Variants in RBFOX1 observed in about 807,000 individuals in gnomAD.
RBFOX1 encodes RNA binding protein fox-1 homolog 1.
In RBFOX1, 8 loss-of-function variants were observed where a neutral mutation model predicts 57.7. The ratio of observed to expected loss-of-function variants is 0.14; its 90% confidence interval spans 0.08 to 0.25. The LOEUF is 0.25. Among genes scored for constraint, RBFOX1 ranks in the 10% least tolerant of loss-of-function variants. RBFOX1 has a pLI of 1.00. For synonymous variants in RBFOX1, 326 were observed against 222.4 expected (o/e 1.47, Z -4.15); for missense variants, 611 against 548.5 (o/e 1.11, Z -1.14).
At chr16:7,374,323 C>A (rs552119769) in intron 4 of RBFOX1, among the ~76,000 whole-genome samples, 1 of 152,174 alleles carries the variant, frequency 6.6e-6, no homozygotes, top group South Asian at 2.1e-4. Flanking sequence ...AGGTGTTTGG[C>A]ACAATACAGA....
intron 3 of RBFOX1, among the ~76,000 whole-genome samples, chr16:6,986,749 G>A (rs1014712304): frequency 1.3e-5 from 2 of 151,910 alleles, no homozygotes; most frequent in African/African-American, 4.8e-5. Context: ...AAGAAAGAAG[G>A]TGGTCTGGAT....
intron 3 of RBFOX1, among the ~76,000 whole-genome samples, chr16:6,877,282 T>G (rs1372268003): frequency 6.6e-6 from 1 of 152,330 alleles, no homozygotes; most frequent in East Asian, 1.9e-4. Context: ...ATGGGTTGAC[T>G]TGGAGGTATG....
At chr16:7,387,730 C>T (rs546724994) in intron 4 of RBFOX1, among the ~76,000 whole-genome samples, 17 of 152,230 alleles carry the variant, frequency 1.1e-4, no homozygotes, top group East Asian at 3.9e-4. Flanking sequence ...ACACATCCTG[C>T]GTCAACTCCA....
chr16:7,406,504 T>G (rs552772267), intron 4 of RBFOX1, among the ~76,000 whole-genome samples: 2 of 152,328 alleles, frequency 1.3e-5, no homozygotes, highest in East Asian at 3.9e-4. Flanking sequence ...AAACCTACTT[T>G]CGAATCTTGC....
chr16:7,105,237 C>A (rs1046103880), intron 4 of RBFOX1, among the ~76,000 whole-genome samples: 2 of 151,518 alleles, frequency 1.3e-5, no homozygotes, highest in South Asian at 4.2e-4. Flanking sequence ...GGTCACATGG[C>A]AACCTATGGA....
intron 1 of RBFOX1, among the ~76,000 whole-genome samples, chr16:6,236,542 C>A (rs944158288): frequency 6.6e-6 from 1 of 151,918 alleles, no homozygotes; most frequent in Admixed American, 6.6e-5. Context: ...TCAAGTGACT[C>A]CCCTGCCTCA....
intron 2 of RBFOX1, among the ~76,000 whole-genome samples, chr16:6,544,875 C>G (rs557786884): frequency 6.6e-6 from 1 of 152,200 alleles, no homozygotes; most frequent in Non-Finnish European, 1.5e-5. Flanking sequence ...AATCCGTTAC[C>G]TTTGCCCAGT....
intron 5 of RBFOX1, among the ~76,000 whole-genome samples, chr16:7,555,664 C>A (rs1024828089): frequency 6.6e-6 from 1 of 152,148 alleles, no homozygotes; most frequent in Non-Finnish European, 1.5e-5. Context: ...ACCAGCCTCA[C>A]GCTTCATCAC....
At chr16:7,155,830 A>G (rs1010532103) in intron 4 of RBFOX1, among the ~76,000 whole-genome samples, 21 of 151,134 alleles carry the variant, frequency 1.4e-4, no homozygotes, top group African/African-American at 4.6e-4. Flanking sequence ...AATGTGCTCT[A>G]TATAATACCT....
chr16:6,123,976 C>A (rs558019116), intron 1 of RBFOX1, among the ~76,000 whole-genome samples: 1 of 152,208 alleles, frequency 6.6e-6, no homozygotes, highest in East Asian at 1.9e-4. Context: ...AAGCATATAC[C>A]GCTTAAAAAA....
chr16:5,288,894 G>A (rs1034874601), intron 1 of RBFOX1, among the ~76,000 whole-genome samples: 2 of 152,042 alleles, frequency 1.3e-5, no homozygotes, highest in African/African-American at 2.4e-5. Context: ...TGGGAGGCCA[G>A]GGCAAGTGGG....
chr16:7,064,782 C>T (rs1028495554), intron 4 of RBFOX1, among the ~76,000 whole-genome samples: 1 of 152,104 alleles, frequency 6.6e-6, no homozygotes, highest in Non-Finnish European at 1.5e-5. Flanking sequence ...AACAAAAAGC[C>T]CCCCGAACTT....
At chr16:7,682,472 C>T (rs954511895) in intron 14 of RBFOX1, among the ~76,000 whole-genome samples, 20 of 135,308 alleles carry the variant, frequency 1.5e-4, no homozygotes, top group African/African-American at 4.0e-4. Flanking sequence ...GGAATCAATA[C>T]GTGGCAAATA....
chr16:6,222,763 C>T (rs1325881833), intron 1 of RBFOX1, among the ~76,000 whole-genome samples: 3 of 150,850 alleles, frequency 2.0e-5, no homozygotes, highest in East Asian at 3.9e-4. Flanking sequence ...AGGTTAGTCA[C>T]ATATGTATAC....
intron 3 of RBFOX1, among the ~76,000 whole-genome samples, chr16:6,872,403 T>C (rs1305130626): frequency 1.3e-5 from 2 of 152,184 alleles, no homozygotes; most frequent in East Asian, 3.8e-4. Flanking sequence ...TAGCTCTTTT[T>C]TTAATCGATC....
At chr16:6,948,335 C>G (rs1320513089) in intron 3 of RBFOX1, among the ~76,000 whole-genome samples, 1 of 146,610 alleles carries the variant, frequency 6.8e-6, no homozygotes, top group Non-Finnish European at 1.5e-5. Flanking sequence ...GAAACAAACT[C>G]TGACATCTTT....
intron 4 of RBFOX1, 89 bp downstream of exon 4, chr16:7,052,187 T>C: frequency 6.6e-7 from 1 of 1,517,092 alleles, no homozygotes; most frequent in Non-Finnish European, 8.8e-7. Context: ...ACACGGGTTC[T>C]AAATAACAGG....
chr16:6,347,651 G>A (rs1311556462), intron 2 of RBFOX1, among the ~76,000 whole-genome samples: 1 of 152,154 alleles, frequency 6.6e-6, no homozygotes, highest in Non-Finnish European at 1.5e-5. Flanking sequence ...AGAGCAAGGA[G>A]AAACAAAATG....
intron 2 of RBFOX1, chr16:6,576,986 A>G (rs1434445398): frequency 6.6e-6 from 1 of 152,230 alleles, no homozygotes; most frequent in Non-Finnish European, 1.5e-5. Context: ...AAGCGGTGAC[A>G]TGTGACCGAA....
Sources: gnomAD v4.1 joint callset for allele counts (sites outside exome capture counted in the v4.1 genomes callset) on GRCh38, gnomAD v4.1.1 for gene constraint, MANE v1.5 for transcripts, NCBI Gene and HGNC (gene_info 2026-07-23, HGNC 2026-07-21) for gene names.